Variants in OXR1 observed in about 807,000 individuals in gnomAD.
The protein encoded by OXR1 is oxidation resistance 1.
Under a neutral mutation model 104.6 loss-of-function variants are expected in OXR1, and 41 were observed. The ratio of observed to expected loss-of-function variants is 0.39; its 90% CI spans 0.31 to 0.51. OXR1 has a LOEUF of 0.51. Among genes scored for constraint, OXR1 ranks in the 20% least tolerant of loss-of-function variants. OXR1 has a pLI of 0.77. For synonymous variants in OXR1, 348 were observed against 348.4 expected (o/e 1.00, Z 0.01); for missense variants, 955 against 1,031.9 (o/e 0.93, Z 1.02).
intron 3 of OXR1, among the ~76,000 whole-genome samples, chr8:106,548,825 A>G: frequency 6.6e-6 from 1 of 152,202 alleles, no homozygotes; most frequent in East Asian, 1.9e-4. Context: ...AGTTCTCAAA[A>G]TATTTGGGAA....
intron 2 of OXR1, among the ~76,000 whole-genome samples, chr8:106,381,158 C>T (rs1817132475): frequency 6.6e-6 from 1 of 152,066 alleles, no homozygotes; most frequent in South Asian, 2.1e-4. Context: ...AGAGTTCACA[C>T]AGGACTGGAA....
chr8:106,320,324 G>A (rs573157041), intron 1 of OXR1, among the ~76,000 whole-genome samples: 2 of 152,032 alleles, frequency 1.3e-5, no homozygotes, highest in African/African-American at 2.4e-5. Flanking sequence ...TCTCCTTGTC[G>A]TAGACTTAGG....
At chr8:106,290,224 G>C (rs1409711553) in intron 1 of OXR1, among the ~76,000 whole-genome samples, 2 of 152,090 alleles carry the variant, frequency 1.3e-5, no homozygotes, top group African/African-American at 4.8e-5. Flanking sequence ...TTCAATAAAT[G>C]GTGCAGACAT....
chr8:106,591,461 T>C (rs1370117808), intron 3 of OXR1, among the ~76,000 whole-genome samples: 1 of 142,146 alleles, frequency 7.0e-6, no homozygotes, highest in Non-Finnish European at 1.5e-5. Flanking sequence ...AAAAAAGAAC[T>C]AAGTAGGAGG....
intron 3 of OXR1, among the ~76,000 whole-genome samples, chr8:106,601,255 G>C (rs775108779): frequency 1.3e-5 from 2 of 152,152 alleles, no homozygotes; most frequent in Non-Finnish European, 2.9e-5. Flanking sequence ...TCTGGTGTAG[G>C]ATGGGAGGTA....
intron 1 of OXR1, among the ~76,000 whole-genome samples, chr8:106,283,942 T>G (rs1812390256): frequency 6.6e-6 from 1 of 152,108 alleles, no homozygotes; most frequent in African/African-American, 2.4e-5. Context: ...AAAATATATT[T>G]ACTGGGAAAC....
chr8:106,303,935 A>C (rs1813371460), intron 1 of OXR1, among the ~76,000 whole-genome samples: 1 of 152,242 alleles, frequency 6.6e-6, no homozygotes, highest in Non-Finnish European at 1.5e-5. Flanking sequence ...TTATTAACAA[A>C]TTAATCTGTA....
chr8:106,355,043 C>T (rs1225244479), intron 1 of OXR1, among the ~76,000 whole-genome samples: 1 of 151,994 alleles, frequency 6.6e-6, no homozygotes, highest in Non-Finnish European at 1.5e-5. Context: ...ATTAAATTCA[C>T]ATCCTATTTT....
intron 2 of OXR1, among the ~76,000 whole-genome samples, chr8:106,444,144 A>G (rs1202636810): frequency 1.3e-5 from 2 of 152,216 alleles, no homozygotes; most frequent in Non-Finnish European, 2.9e-5. Context: ...ACGATGAGAT[A>G]CCATCTCATG....
chr8:106,673,509 C>T (rs1455583088), intron 3 of OXR1, among the ~76,000 whole-genome samples: 1 of 152,122 alleles, frequency 6.6e-6, no homozygotes, highest in Non-Finnish European at 1.5e-5. Context: ...CAACTTGCAG[C>T]CTGACAATGC....
chr8:106,463,814 A>G lies in OXR1; in HGVS notation c.24-55129A>G, dbSNP rs542642600. 2.2e-4 allele frequency among the ~76,000 whole-genome samples: 34 copies of G among 152,276 alleles called. 1 individual carries two copies. The South Asian group carries it at 5.0e-3, about 22-fold the overall frequency. ...AGTGCTTAGGACAACACTGGCATTT[A>G]GGAAGAGCTCAATAAATGCTTTTTT... On this transcript the variant is annotated intron_variant, in intron 2 of 16. Transcript: ENST00000517566.
At chr8:106,527,727 A>G (rs900197204) in intron 3 of OXR1, among the ~76,000 whole-genome samples, 6 of 152,236 alleles carry the variant, frequency 3.9e-5, no homozygotes, top group African/African-American at 1.4e-4. Flanking sequence ...TGACTAACAT[A>G]TTGAATTTAC....
chr8:106,336,343 T>C (rs1380756206), intron 1 of OXR1, among the ~76,000 whole-genome samples: 7 of 152,190 alleles, frequency 4.6e-5, no homozygotes, highest in Admixed American at 3.9e-4. Flanking sequence ...AATTATATTG[T>C]AGAGATTCAG....
At chr8:106,638,927 C>CAAT (rs1823396418) in intron 3 of OXR1, among the ~76,000 whole-genome samples, 1 of 147,630 alleles carries the variant, frequency 6.8e-6, no homozygotes, top group African/African-American at 2.5e-5. Context: ...AACAACACAA[C>CAAT]AAAAATCAAA....
At chr8:106,690,644 G>A (rs989632901) in intron 6 of OXR1, among the ~76,000 whole-genome samples, 16 of 150,278 alleles carry the variant, frequency 1.1e-4, no homozygotes, top group African/African-American at 3.7e-4. Flanking sequence ...AATTGATCCC[G>A]ATATTTTAAT....
At chr8:106,532,917 T>C (rs1455321704) in intron 3 of OXR1, among the ~76,000 whole-genome samples, 2 of 152,360 alleles carry the variant, frequency 1.3e-5, no homozygotes, top group East Asian at 3.9e-4. Context: ...AGAAACATCA[T>C]GCATTGAGCA....
chr8:106,280,440 G>A (rs796487082), intron 1 of OXR1, among the ~76,000 whole-genome samples: 8 of 152,124 alleles, frequency 5.3e-5, no homozygotes, highest in African/African-American at 7.2e-5. Flanking sequence ...TTTGCTGGCC[G>A]TCCCTGGCAT....
intron 1 of OXR1, among the ~76,000 whole-genome samples, chr8:106,358,450 T>C (rs145345662): frequency 1.6e-4 from 25 of 152,342 alleles, no homozygotes; most frequent in African/African-American, 5.5e-4. Context: ...ATGCCCTGTA[T>C]GTGCCTTTAT....
At chr8:106,386,819 G>C (rs1306694751) in intron 2 of OXR1, among the ~76,000 whole-genome samples, 1 of 152,202 alleles carries the variant, frequency 6.6e-6, no homozygotes, top group African/African-American at 2.4e-5. Flanking sequence ...TAAGCATGGG[G>C]ACAGGAGCTA....
Sources: gnomAD v4.1 joint callset for allele counts (sites outside exome capture counted in the v4.1 genomes callset) on GRCh38, gnomAD v4.1.1 for gene constraint, MANE v1.5 for transcripts, NCBI Gene and HGNC (gene_info 2026-07-23, HGNC 2026-07-21) for gene names.